IFI27: variants seen among roughly 807,000 people sequenced by gnomAD.
The protein encoded by IFI27 is interferon alpha inducible protein 27.
Under a neutral mutation model 8.9 loss-of-function variants are expected in IFI27, and 3 were observed. The ratio of observed to expected loss-of-function variants is 0.34; its 90% CI spans 0.15 to 0.87. The LOEUF is 0.87. IFI27 is among the 40% of genes least tolerant of loss of function. IFI27 has a pLI of 0.51. For synonymous variants in IFI27, 66 were observed against 67.3 expected, an observed-to-expected ratio of 0.98 and a Z score of 0.09; for missense variants, 152 against 157.7, an observed-to-expected ratio of 0.96 and a Z score of 0.19.
At chr14:94,114,689 C>A (rs976382784) in intron 2 of IFI27, 162 bp from the exon 3 acceptor site, 3 of 674,274 alleles carry the variant, frequency 4.4e-6, no homozygotes, top group Non-Finnish European at 7.9e-6. Flanking sequence ...TCCAGAATTT[C>A]CACTTCCCGA....
Position 94,116,505 on chromosome 14 carries a change from C to G in IFI27, c.347C>G (p.Ala116Gly), listed in dbSNP as rs370498626. ...GGCTCCATTGGGTCTGCCATTGCGG[C>G]TGTCATTGCGAGGTTCTACTAGCTC... is the stretch of plus-strand genomic sequence containing the variant. Residue 116 changes from alanine (A) to glycine (G), a missense_variant, in exon 5 of 5, where the codon GCT becomes GGT. Ala to Gly is a moderately conservative substitution (Grantham distance 60). Coordinates refer to ENST00000621160, the Ensembl canonical transcript of IFI27. The surrounding 1 kb of genome is among the most constrained non-coding windows in gnomAD (Gnocchi z 4.3). 1 of 1,613,158 alleles carries G rather than the reference C, an allele frequency of 6.2e-7. No individual in the cohort carries two copies. The highest frequency in any genetic ancestry group is 1.3e-5 in the African/African-American group (1 of 74,898).
intron 2 of IFI27, chr14:94,112,197 CT>C: frequency 5.7e-6 from 1 of 175,106 alleles, no homozygotes; most frequent in East Asian, 1.5e-4. Context: ...CTTCAGCTCA[CT>C]TTTTTCATTA....
rs750628171 is a variant in IFI27, at chr14:94,115,835, C to T, written c.176C>T (p.Ala59Val). The T allele has an allele frequency of 1.7e-5, 28 of 1,602,486 alleles. No homozygotes were observed. In the Middle Eastern group the frequency reaches 4.9e-4, roughly 28 times the overall value. The change falls in exon 4 of 5, where the codon GCG becomes GTG. Residue 59 changes from alanine to valine, a missense_variant. Physicochemically the swap from Ala to Val is moderately conservative, Grantham distance 64. Transcript: ENST00000621160. ...CTCAGTGCCATGGGCTTCACTGCGG[C>T]GGGAATCGCCTCGTCCTCCATAGCA...
chr14:94,116,514 C>G lies in IFI27; in HGVS notation c.356C>G (p.Ala119Gly). The G allele has an allele frequency of 6.2e-7, 1 of 1,612,684 alleles. No homozygotes were observed. Among genetic ancestry groups the G allele is most frequent in the Non-Finnish European group, 8.5e-7 (1 of 1,179,316 alleles). Residue 119 changes from alanine (A) to glycine (G), a missense_variant, in exon 5 of 5, where the codon GCG (alanine) becomes GGG (glycine). Transcript: ENST00000621160. The surrounding 1 kb of genome is among the most constrained non-coding windows in gnomAD (Gnocchi z 4.3). ...GGGTCTGCCATTGCGGCTGTCATTG[C>G]GAGGTTCTACTAGCTCCCTGCCCCT...
intron 3 of IFI27, 65 bp downstream of exon 3, chr14:94,114,945 C>T: frequency 1.4e-6 from 2 of 1,471,996 alleles, no homozygotes; most frequent in South Asian, 2.3e-5. Context: ...TGGGGAGCAG[C>T]TGGCCTTGTC....
At chr14:94,112,613 C>T (rs1034584088) in intron 2 of IFI27, among the ~76,000 whole-genome samples, 1 of 152,248 alleles carries the variant, frequency 6.6e-6, no homozygotes, top group African/African-American at 2.4e-5. Flanking sequence ...GGGCACAGGG[C>T]CCCTGACTCC....
In IFI27 at chr14:94,111,535, C is replaced by G. The variant is rs987178156; in HGVS notation, c.-58-90C>G. The G allele has an allele frequency of 3.0e-6, 2 of 667,022 alleles. No individual in the cohort carries two copies. The highest frequency in any genetic ancestry group is 4.4e-5 in the Admixed American group (2 of 45,330). 41.3% of individuals were successfully genotyped at this position (667,022 alleles called of 1,614,324 possible). On this transcript the variant is annotated intron_variant, in intron 1 of 4. Transcript: ENST00000621160. The surrounding 1 kb of genome is among the most constrained non-coding windows in gnomAD (Gnocchi z 4.3). ...CACAAGCTCAGAGCAGCCTCCCTAG[C>G]CCCCTGGAGCCCGTCACATTTTTCA...
At chr14:94,115,741 T>C (rs1480179155) in intron 3 of IFI27, 40 bp from the exon 4 acceptor site, 2 of 1,586,110 alleles carry the variant, frequency 1.3e-6, no homozygotes, top group African/African-American at 2.7e-5. Context: ...GGGGGGTCCC[T>C]TCTGAGCCCA....
intron 3 of IFI27, chr14:94,115,428 G>A: frequency 1.7e-6 from 1 of 572,682 alleles, no homozygotes; most frequent in South Asian, 1.5e-5. Context: ...CTCCCCTAAT[G>A]AGATTTGCTC....
chr14:94,108,384 A>G (rs565537356), upstream of IFI27, among the ~76,000 whole-genome samples: 1 of 152,272 alleles, frequency 6.6e-6, no homozygotes, highest in African/African-American at 2.4e-5. Context: ...ACTATTTACT[A>G]TTGAAATTGT....
chr14:94,108,661 A>G (rs1887042390), upstream of IFI27, among the ~76,000 whole-genome samples: 1 of 152,018 alleles, frequency 6.6e-6, no homozygotes. Context: ...CAGAGTGGAC[A>G]CCTGCTGGAC....
At chr14:94,107,161 C>T (rs12880427), upstream of IFI27, among the ~76,000 whole-genome samples, 14,295 of 152,064 alleles carry the variant, frequency 0.094, 757 homozygotes, top group Non-Finnish European at 0.13. Context: ...CCTCTGCCTC[C>T]CGGGTTCAAG....
At chr14:94,110,391 C>T (rs964578343), upstream of IFI27, among the ~76,000 whole-genome samples, 3 of 152,166 alleles carry the variant, frequency 2.0e-5, no homozygotes, top group African/African-American at 7.2e-5. Context: ...ATCGCAAGGA[C>T]TACTATTATT....
chr14:94,111,548 G>A lies in IFI27; in HGVS notation c.-58-77G>A, dbSNP rs565351051. ...CAGCCTCCCTAGCCCCCTGGAGCCC[G>A]TCACATTTTTCAGGACAGTGGGAAG... On this transcript the variant is annotated intron_variant, in intron 1 of 4. Coordinates refer to ENST00000621160, the Ensembl canonical transcript of IFI27. This position sits in a 1 kb window ranked among gnomAD's most constrained non-coding sequence, Gnocchi z 4.3. 9.4e-5 allele frequency: 67 copies of A among 712,400 alleles called. No individual in the cohort carries two copies. The highest frequency in any genetic ancestry group is 1.4e-4 in the Non-Finnish European group (57 of 397,638). 44.1% of individuals were successfully genotyped at this position (712,400 alleles called of 1,614,324 possible).
Position 94,116,059 on chromosome 14 carries a change from T to G in IFI27, c.283+117T>G. On this transcript the variant is annotated intron_variant, in intron 4 of 4. Transcript: ENST00000621160. The surrounding 1 kb of genome is among the most constrained non-coding windows in gnomAD (Gnocchi z 4.3). ...ATCTCCCTGTTCCTCTGTCTCTCTCTACACATTCTCTCAGGGTTTCTCTGA... is the reference window on the plus strand; with the variant it reads ...ATCTCCCTGTTCCTCTGTCTCTCTCGACACATTCTCTCAGGGTTTCTCTGA... 1 of 1,082,270 alleles carries G rather than the reference T, an allele frequency of 9.2e-7. No homozygotes were observed. Among genetic ancestry groups the G allele is most frequent in the Non-Finnish European group, 1.4e-6 (1 of 730,206 alleles). The allele number at this position is 1,082,270 out of a possible 1,614,324, so 67.0% of individuals were successfully genotyped here. A position where few individuals can be genotyped will look rare whatever the true frequency, so the allele number is the denominator to read the frequency against.
chr14:94,108,938 T>C (rs1005882495), upstream of IFI27, among the ~76,000 whole-genome samples: 3 of 152,220 alleles, frequency 2.0e-5, no homozygotes, highest in Admixed American at 6.5e-5. Flanking sequence ...CAAGTTGTTC[T>C]GAAGGAAAGT....
At position 94,111,556 on chromosome 14, in the gene IFI27, T is replaced by G. The variant is rs778423454; in HGVS notation, c.-58-69T>G. The G allele has an allele frequency of 4.0e-6, 3 of 756,728 alleles. No homozygotes were observed. Among genetic ancestry groups the G allele is most frequent in the Non-Finnish European group, 4.6e-6 (2 of 431,014 alleles). 46.9% of individuals were successfully genotyped at this position (756,728 alleles called of 1,614,324 possible). A position where few individuals can be genotyped will look rare whatever the true frequency, so the allele number is the denominator to read the frequency against. The stretch of plus-strand genomic sequence containing the variant: ...CTAGCCCCCTGGAGCCCGTCACATT[T>G]TTCAGGACAGTGGGAAGCAAGTCAG... On this transcript the variant is annotated intron_variant, in intron 1 of 4. Coordinates refer to ENST00000621160, the Ensembl canonical transcript of IFI27. The surrounding 1 kb of genome is among the most constrained non-coding windows in gnomAD (Gnocchi z 4.3).
chr14:94,106,893 A>G (rs1887021548), upstream of IFI27, among the ~76,000 whole-genome samples: 1 of 140,004 alleles, frequency 7.1e-6, no homozygotes, highest in Admixed American at 7.1e-5. Context: ...TACTGTGAGG[A>G]CAGTGCCAAG....
rs912615899 is a variant in IFI27, at chr14:94,111,347, A to G, written c.-58-278A>G. Among the ~76,000 whole-genome samples the G allele has an allele frequency of 6.6e-6, 1 of 152,196 alleles. No individual in the cohort carries two copies. Among genetic ancestry groups the G allele is most frequent in the African/African-American group, 2.4e-5 (1 of 41,440 alleles). On this transcript the variant is annotated intron_variant, in intron 1 of 4. Coordinates refer to ENST00000621160, the Ensembl canonical transcript of IFI27. This position sits in a 1 kb window ranked among gnomAD's most constrained non-coding sequence, Gnocchi z 4.3. ...CGTGGAGAGATAAGGGAGTCCCGGAAGTGTCTAAGACATTGGCGCTGGGAC... is the reference window on the plus strand; with the variant it reads ...CGTGGAGAGATAAGGGAGTCCCGGAGGTGTCTAAGACATTGGCGCTGGGAC...
Sources: gnomAD v4.1 joint callset for allele counts (sites outside exome capture counted in the v4.1 genomes callset) on GRCh38, gnomAD v4.1.1 for gene constraint, Gnocchi (gnomAD v3.1) non-coding constraint, MANE v1.5 for transcripts, NCBI Gene and HGNC (gene_info 2026-07-23, HGNC 2026-07-21) for gene names.